The following ANKMY1 variants were observed in gnomAD, a reference collection of about 807,000 sequenced individuals.
The protein encoded by ANKMY1 is ankyrin repeat and MYND domain containing 1, also known as ankyrin repeat and MYND domain-containing protein 1.
A neutral mutation model predicts 102.0 loss-of-function variants in ANKMY1; 98 were observed. The observed-to-expected ratio is 0.96, with a 90% CI of 0.82 to 1.14. The LOEUF (loss-of-function observed/expected upper bound fraction) is 1.14, where lower values mean the gene tolerates loss of function less well. Among genes scored for constraint, ANKMY1 ranks in the 50% most tolerant of loss-of-function variants. The pLI is 0.00. For missense variants in ANKMY1, 1,330 were observed against 1,347.6 expected (o/e 0.99, Z 0.20); for synonymous variants, 582 against 559.9 (o/e 1.04, Z -0.56).
At chr2:240,478,080 C>T (rs930238402), downstream of ANKMY1, among the ~76,000 whole-genome samples, 3 of 152,030 alleles carry the variant, frequency 2.0e-5, no homozygotes, top group Non-Finnish European at 4.4e-5. Flanking sequence ...CGAGATCTGG[C>T]TGTTTTGAAA....
In ANKMY1 at chr2:240,479,546, A is replaced by G. The variant is rs369775700; in HGVS notation, c.*63T>C. 8.2e-4 allele frequency: 1,288 copies of G among 1,571,430 alleles called. 11 individuals are homozygous for G. In the African/African-American group the frequency reaches 0.015, roughly 19 times the overall value. ...GCTGGAAGATTCCCTGAGGTGGCTC[A>G]GGCAGGTAAGAAACCCACACAGTCC... is the stretch of plus-strand genomic sequence containing the variant. On this transcript the variant is annotated 3_prime_UTR_variant, in exon 18 of 18. Transcript: ENST00000401804.
At position 240,500,561 on chromosome 2, in the gene ANKMY1, T is replaced by A; in HGVS notation, c.2531A>T (p.Asp844Val). 6.2e-7 allele frequency: 1 copy of A among 1,613,878 alleles called. No homozygotes were observed. The highest frequency in any genetic ancestry group is 1.1e-5 in the South Asian group (1 of 91,062). ...GTCGGCCCCGTGACTGATGAGTCGG[T>A]CAATCTGTGGAGAACAGAACCAGGT... ...RNMDSKLALI[D>V]RLISHGADIL... is the part of the protein sequence containing the mutation. Residue 844 changes from aspartate (D) to valine (V), a missense_variant, in exon 14 of 18, where the codon GAC becomes GTC. Asp to Val is a radical substitution (Grantham distance 152). Transcript: ENST00000401804.
At chr2:240,481,395 G>A (rs1045775468) in intron 16 of ANKMY1, among the ~76,000 whole-genome samples, 1 of 152,210 alleles carries the variant, frequency 6.6e-6, no homozygotes, top group Non-Finnish European at 1.5e-5. Context: ...GGAGACCGCC[G>A]TGGGGCCACA....
At chr2:240,541,626 C>T (rs2088843008) in intron 4 of ANKMY1, among the ~76,000 whole-genome samples, 2 of 151,796 alleles carry the variant, frequency 1.3e-5, no homozygotes, top group Non-Finnish European at 2.9e-5. Context: ...CCTCAGCCTC[C>T]AGAGTAGCTG....
chr2:240,542,739 T>C (rs2089284925), intron 4 of ANKMY1, among the ~76,000 whole-genome samples: 1 of 148,956 alleles, frequency 6.7e-6, no homozygotes, highest in Non-Finnish European at 1.5e-5. Flanking sequence ...TATATATATA[T>C]GTATAAATTT....
At position 240,521,519 on chromosome 2, in the gene ANKMY1, T is replaced by TG. The variant is rs60317208; in HGVS notation, c.1833-987dup. 2.0e-4 allele frequency among the ~76,000 whole-genome samples: 29 copies of TG among 144,542 alleles called. 1 individual carries two copies. In the East Asian group the frequency reaches 3.0e-3, roughly 15 times the overall value. 94.8% of individuals were successfully genotyped at this position (144,542 alleles called of 152,430 possible). The stretch of plus-strand genomic sequence containing the variant: ...TTTTTTTTTTTTTTTTTTTTTTTTT[T>TG]GAGACAGTCTCGCCCTGTCGCCCAG... On this transcript the variant is annotated intron_variant, in intron 8 of 17. Coordinates refer to ENST00000401804, the MANE Select transcript of ANKMY1 (RefSeq NM_001282771.3).
chr2:240,492,431 T>C (rs771393163), intron 15 of ANKMY1, among the ~76,000 whole-genome samples: 7 of 152,236 alleles, frequency 4.6e-5, no homozygotes, highest in Non-Finnish European at 8.8e-5. Context: ...TCTTTACCTT[T>C]GTCTGATTGG....
At chr2:240,471,425 AAAAAT>A in the ANKMY1 span, among the ~76,000 whole-genome samples, 29,328 of 151,786 alleles carry the variant, frequency 0.19, 3,004 homozygotes, top group Non-Finnish European at 0.23. Flanking sequence ...TTCAAAATGA[AAAAAT>A]AAAATAAAAT....
At chr2:240,560,610 A>G (rs2092892271), upstream of ANKMY1, 4 of 1,357,008 alleles carry the variant, frequency 2.9e-6, no homozygotes, top group East Asian at 3.0e-5. Flanking sequence ...GCTCCCACAA[A>G]TAGACTCCTG....
downstream of ANKMY1, among the ~76,000 whole-genome samples, chr2:240,477,445 A>G (rs2074930873): frequency 6.6e-6 from 1 of 152,262 alleles, no homozygotes; most frequent in Non-Finnish European, 1.5e-5. Flanking sequence ...CATCCAGGCC[A>G]GAGCACAGTG....
chr2:240,473,012 T>C, the ANKMY1 span, among the ~76,000 whole-genome samples: 1 of 146,552 alleles, frequency 6.8e-6, no homozygotes, highest in East Asian at 2.0e-4. Flanking sequence ...GTAATCCCAC[T>C]ACTCAGGAGG....
intron 4 of ANKMY1, among the ~76,000 whole-genome samples, chr2:240,551,156 T>G (rs2091453847): frequency 6.6e-6 from 1 of 152,070 alleles, no homozygotes; most frequent in Non-Finnish European, 1.5e-5. Context: ...TTTTATGTTT[T>G]TTTTTTTTTT....
rs1424204794 is a variant in ANKMY1 at position 240,520,596 on chromosome 2, G to T, written c.1833-63C>A. ...AGGCACCTGCACTGCGCCCAGAACG[G>T]GGCCATGCCAGCGAGGAGGCTGGGG... On this transcript the variant is annotated intron_variant, in intron 8 of 17. Transcript: ENST00000401804. The surrounding 1 kb of genome is among the most constrained non-coding windows in gnomAD (Gnocchi z 4.8). 6.5e-7 allele frequency: 1 copy of T among 1,531,822 alleles called. No homozygotes were observed. Among genetic ancestry groups the T allele is most frequent in the African/African-American group, 1.4e-5 (1 of 72,526 alleles). The allele number at this position is 1,531,822 out of a possible 1,614,324, so 94.9% of individuals were successfully genotyped here. A position where few individuals can be genotyped will look rare whatever the true frequency, so the allele number is the denominator to read the frequency against.
In ANKMY1 at chr2:240,524,284, C is replaced by A; in HGVS notation, c.1433G>T (p.Gly478Val). Residue 478 changes from glycine (G) to valine (V), a missense_variant, in exon 8 of 18, where the codon GGT (glycine) becomes GTT (valine). Physicochemically the swap from Gly to Val is moderately radical, Grantham distance 109. Transcript: ENST00000401804. ...TGGCGGTGGCCTCAGCTCATAGCTA[C>A]CCTGGGAAGGCACGTTCACCTCATA... ...LYYEVNVPSQ[G>V]SYELRPPPAP... 6.2e-7 allele frequency: 1 copy of A among 1,613,786 alleles called. No individual in the cohort carries two copies. Among genetic ancestry groups the A allele is most frequent in the Non-Finnish European group, 8.5e-7 (1 of 1,180,032 alleles).
Position 240,506,414 on chromosome 2 carries a change from C to T in ANKMY1, c.2526+1146G>A, listed in dbSNP as rs896451903. On this transcript the variant is annotated intron_variant, in intron 13 of 17. Coordinates refer to ENST00000401804, the MANE Select transcript of ANKMY1 (RefSeq NM_001282771.3). The surrounding 1 kb of genome is among the most constrained non-coding windows in gnomAD (Gnocchi z 4.9). Reference sequence around the variant, plus strand: ...CACACTGTTTCATTCCATCCTCTGCCGCCTATGGAAAACTGACTTCTGCGT... The same window carrying T: ...CACACTGTTTCATTCCATCCTCTGCTGCCTATGGAAAACTGACTTCTGCGT... Among the ~76,000 whole-genome samples the T allele has an allele frequency of 1.3e-5, 2 of 152,158 alleles. No individual in the cohort carries two copies. Among genetic ancestry groups the T allele is most frequent in the Admixed American group, 6.5e-5 (1 of 15,282 alleles).
chr2:240,492,881 G>C (rs1244441762), intron 15 of ANKMY1, among the ~76,000 whole-genome samples: 2 of 152,142 alleles, frequency 1.3e-5, no homozygotes, highest in Non-Finnish European at 1.5e-5. Context: ...GTAGAGACAA[G>C]GTTTCACCAC....
At chr2:240,552,673 C>T (rs760014212) in intron 4 of ANKMY1, 33 of 544,320 alleles carry the variant, frequency 6.1e-5, no homozygotes, top group African/African-American at 1.3e-4. Context: ...TAAACACGTG[C>T]GTTTCTTAAA....
Position 240,526,295 on chromosome 2 carries a change from C to A in ANKMY1, c.1104G>T (p.Leu368=). 1 of 1,614,228 alleles carries A rather than the reference C, an allele frequency of 6.2e-7. No individual in the cohort carries two copies. ...EGNHEWICRI[L]KDNFASADVA... is the part of the protein sequence containing the mutation. ...CGTCAGCACTAGCAAAGTTGTCCTT[C>A]AGGATCCTACAAATCCATTCGTGGT... Residue 368 remains leucine, a synonymous_variant, in exon 6 of 18, where the codon CTG becomes CTT. Transcript: ENST00000401804.
intron 15 of ANKMY1, among the ~76,000 whole-genome samples, chr2:240,498,034 C>T (rs766439577): frequency 6.6e-6 from 1 of 152,060 alleles, no homozygotes; most frequent in Non-Finnish European, 1.5e-5. Context: ...GCCTGTATCC[C>T]CCAAGTGGGG....
Sources: allele counts gnomAD v4.1 joint callset (sites outside exome capture counted in the v4.1 genomes callset), GRCh38; gene constraint gnomAD v4.1.1; non-coding constraint Gnocchi (gnomAD v3.1); transcripts MANE v1.5; gene names NCBI Gene and HGNC (gene_info 2026-07-23, HGNC 2026-07-21).